Variants in SUGCT observed in about 807,000 individuals in gnomAD.
The protein encoded by SUGCT is succinyl-CoA:glutarate CoA-transferase.
Under a neutral mutation model 55.0 loss-of-function variants are expected in SUGCT, and 41 were observed. The observed-to-expected ratio is 0.74, with a 90% CI of 0.58 to 0.97. The LOEUF is 0.97. Among genes scored for constraint, SUGCT ranks in the 50% least tolerant of loss-of-function variants. The pLI is 0.00. For missense variants in SUGCT, 568 were observed against 547.8 expected, an observed-to-expected ratio of 1.04 and a Z score of -0.37; for synonymous variants, 187 against 200.4, an observed-to-expected ratio of 0.93 and a Z score of 0.56.
intron 1 of SUGCT, among the ~76,000 whole-genome samples, chr7:40,154,903 C>A (rs1156521207): frequency 2.6e-5 from 4 of 152,192 alleles, no homozygotes; most frequent in Non-Finnish European, 5.9e-5. Flanking sequence ...GATTAATATG[C>A]ATCTGTTATT....
At chr7:40,580,087 A>C (rs1260949081) in intron 12 of SUGCT, among the ~76,000 whole-genome samples, 1 of 152,220 alleles carries the variant, frequency 6.6e-6, no homozygotes, top group Non-Finnish European at 1.5e-5. Flanking sequence ...TGATTAAGTC[A>C]CTGGAAATGT....
chr7:40,423,763 G>A (rs1157104826), intron 9 of SUGCT, among the ~76,000 whole-genome samples: 3 of 152,084 alleles, frequency 2.0e-5, no homozygotes, highest in Admixed American at 2.0e-4. Context: ...GAAAATTAAT[G>A]TTGCAATGGA....
At chr7:40,190,338 C>G (rs1206841022) in intron 5 of SUGCT, among the ~76,000 whole-genome samples, 6 of 152,152 alleles carry the variant, frequency 3.9e-5, no homozygotes, top group Non-Finnish European at 7.3e-5. Flanking sequence ...CAACCTCCAC[C>G]TCCTGGGTTC....
chr7:40,674,133 G>A (rs1334596541), intron 12 of SUGCT, among the ~76,000 whole-genome samples: 1 of 152,168 alleles, frequency 6.6e-6, no homozygotes, highest in Non-Finnish European at 1.5e-5. Flanking sequence ...TTTTTTCAAA[G>A]AACAGGTTTG....
intron 12 of SUGCT, among the ~76,000 whole-genome samples, chr7:40,620,199 G>A (rs1458317974): frequency 6.6e-6 from 1 of 152,106 alleles, no homozygotes; most frequent in Admixed American, 6.5e-5. Flanking sequence ...TTACACCTTG[G>A]AACCAGCAAA....
chr7:40,329,856 C>G (rs1024792143), intron 9 of SUGCT, among the ~76,000 whole-genome samples: 1 of 152,186 alleles, frequency 6.6e-6, no homozygotes, highest in Non-Finnish European at 1.5e-5. Context: ...CCCATCCTTA[C>G]AGCTACTGAT....
chr7:40,725,180 A>C (rs1489831710), intron 12 of SUGCT, among the ~76,000 whole-genome samples: 1 of 152,194 alleles, frequency 6.6e-6, no homozygotes, highest in Non-Finnish European at 1.5e-5. Context: ...GCTACTGAAG[A>C]TGAGTTCAGG....
At chr7:40,276,758 A>G (rs1792513058) in intron 8 of SUGCT, among the ~76,000 whole-genome samples, 1 of 152,006 alleles carries the variant, frequency 6.6e-6, no homozygotes, top group Non-Finnish European at 1.5e-5. Flanking sequence ...TCATGCATAT[A>G]CACACAGGTA....
chr7:40,945,332 G>C, the SUGCT span, among the ~76,000 whole-genome samples: 1 of 152,178 alleles, frequency 6.6e-6, no homozygotes, highest in Non-Finnish European at 1.5e-5. Flanking sequence ...ACAGGCATCT[G>C]TTTTTGTCTG....
chr7:40,965,514 C>G, the SUGCT span: 42 of 151,954 alleles, frequency 2.8e-4, no homozygotes, highest in African/African-American at 9.4e-4. Context: ...TGGTAATTTT[C>G]AAAATAAAGA....
intron 12 of SUGCT, among the ~76,000 whole-genome samples, chr7:40,556,130 C>T (rs1467199930): frequency 6.6e-6 from 1 of 152,138 alleles, no homozygotes; most frequent in East Asian, 1.9e-4. Flanking sequence ...GCCCAGATCC[C>T]TTGAGTCCAC....
intron 8 of SUGCT, among the ~76,000 whole-genome samples, chr7:40,305,064 C>T (rs1388014927): frequency 6.6e-6 from 1 of 152,132 alleles, no homozygotes; most frequent in Non-Finnish European, 1.5e-5. Context: ...AGCCACCTTT[C>T]CTCCTTTCTT....
intron 6 of SUGCT, among the ~76,000 whole-genome samples, chr7:40,216,184 G>A (rs964914797): frequency 2.0e-5 from 3 of 151,326 alleles, no homozygotes; most frequent in Non-Finnish European, 4.4e-5. Context: ...TTGTCTTGGG[G>A]CAGATTCACA....
chr7:40,945,271 G>A, the SUGCT span, among the ~76,000 whole-genome samples: 4 of 152,052 alleles, frequency 2.6e-5, no homozygotes, highest in South Asian at 6.2e-4. Context: ...CAGAAAAGTG[G>A]ACTACCTCCC....
intron 12 of SUGCT, among the ~76,000 whole-genome samples, chr7:40,659,854 A>G (rs1198860855): frequency 6.6e-6 from 1 of 152,160 alleles, no homozygotes; most frequent in Non-Finnish European, 1.5e-5. Context: ...ACAATAGTGT[A>G]CAGTATAGTA....
intron 12 of SUGCT, among the ~76,000 whole-genome samples, chr7:40,709,135 G>A (rs1033944266): frequency 2.0e-5 from 3 of 152,200 alleles, no homozygotes; most frequent in African/African-American, 7.2e-5. Context: ...TAGGGATCAT[G>A]TGATCCACCA....
the SUGCT span, among the ~76,000 whole-genome samples, chr7:40,919,563 C>T: frequency 6.6e-6 from 1 of 152,168 alleles, no homozygotes; most frequent in Non-Finnish European, 1.5e-5. Context: ...TTCCTCATTG[C>T]CCCCACTCCA....
the SUGCT span, among the ~76,000 whole-genome samples, chr7:40,867,388 T>A: frequency 1.5e-3 from 234 of 151,882 alleles, no homozygotes; most frequent in African/African-American, 5.3e-3. Flanking sequence ...AGAGAGCATC[T>A]CTTATAAGCT....
chr7:40,667,851 G>A (rs866532846), intron 12 of SUGCT, among the ~76,000 whole-genome samples: 3 of 152,108 alleles, frequency 2.0e-5, no homozygotes, highest in Middle Eastern at 3.4e-3. Flanking sequence ...AATCTAGCCA[G>A]TAGTCTACTG....
Sources: gnomAD v4.1 joint callset for allele counts (sites outside exome capture counted in the v4.1 genomes callset) on GRCh38, gnomAD v4.1.1 for gene constraint, MANE v1.5 for transcripts, NCBI Gene and HGNC (gene_info 2026-07-23, HGNC 2026-07-21) for gene names.